Variants in SGCZ observed in about 807,000 individuals in gnomAD.
The protein encoded by SGCZ is sarcoglycan zeta.
SGCZ carries 40 observed loss-of-function variants against 41.3 expected under a neutral mutation model. The observed-to-expected ratio is 0.97, with a 90% CI of 0.75 to 1.26. SGCZ has a LOEUF of 1.26. SGCZ is among the 50% of genes most tolerant of loss of function. SGCZ has a pLI of 0.00. For synonymous variants in SGCZ, 206 were observed against 137.5 expected, an observed-to-expected ratio of 1.50 and a Z score of -3.49; for missense variants, 552 against 369.8, an observed-to-expected ratio of 1.49 and a Z score of -4.04.
chr8:15,086,758 A>C (rs1443642931), intron 1 of SGCZ, among the ~76,000 whole-genome samples: 3 of 152,188 alleles, frequency 2.0e-5, no homozygotes, highest in Non-Finnish European at 4.4e-5. Context: ...TTTCAAATAT[A>C]AGGATTCTTT....
chr8:14,635,237 A>C (rs1806790306), intron 1 of SGCZ, among the ~76,000 whole-genome samples: 1 of 151,896 alleles, frequency 6.6e-6, no homozygotes. Flanking sequence ...GAAAATAAAA[A>C]ATGTATCTCC....
chr8:14,086,678 G>A lies in SGCZ; in HGVS notation c.*3765C>T, dbSNP rs1448788301. On this transcript the variant is annotated 3_prime_UTR_variant, in exon 8 of 8. Transcript: ENST00000382080. ...AACGTCAACCATATTACTGAATCCT[G>A]TTAACCAGGCATGATTTTTCCAAAG... is the stretch of plus-strand genomic sequence containing the variant. 1.3e-5 allele frequency among the ~76,000 whole-genome samples: 2 copies of A among 151,618 alleles called. No individual in the cohort carries two copies. Among genetic ancestry groups the A allele is most frequent in the Non-Finnish European group, 3.0e-5 (2 of 67,720 alleles).
chr8:14,712,615 A>C (rs938011797), intron 1 of SGCZ, among the ~76,000 whole-genome samples: 3 of 152,148 alleles, frequency 2.0e-5, no homozygotes, highest in African/African-American at 7.2e-5. Flanking sequence ...TGACTTGACA[A>C]GGGAAGCACC....
chr8:14,572,058 T>C (rs1226408081), intron 1 of SGCZ, among the ~76,000 whole-genome samples: 1 of 152,188 alleles, frequency 6.6e-6, no homozygotes, highest in Middle Eastern at 3.2e-3. Context: ...AAACATTACA[T>C]GAATTTAAGG....
intron 5 of SGCZ, among the ~76,000 whole-genome samples, chr8:14,119,737 T>C (rs1044352703): frequency 8.5e-5 from 13 of 152,344 alleles, no homozygotes; most frequent in South Asian, 2.1e-4. Flanking sequence ...ATACATTCCA[T>C]CAATATCTAG....
At chr8:14,831,006 T>A (rs1372415682) in intron 1 of SGCZ, among the ~76,000 whole-genome samples, 1 of 152,160 alleles carries the variant, frequency 6.6e-6, no homozygotes, top group Non-Finnish European at 1.5e-5. Context: ...TATGTAAAAA[T>A]CTTATTTGAC....
chr8:14,800,988 A>C (rs1801303628), intron 1 of SGCZ, among the ~76,000 whole-genome samples: 1 of 152,214 alleles, frequency 6.6e-6, no homozygotes, highest in Non-Finnish European at 1.5e-5. Context: ...AGAACAAAGG[A>C]AACTAGCTCC....
At chr8:15,157,676 T>C (rs922180848) in intron 1 of SGCZ, among the ~76,000 whole-genome samples, 1 of 152,018 alleles carries the variant, frequency 6.6e-6, no homozygotes, top group African/African-American at 2.4e-5. Context: ...ACAACACACT[T>C]ACACTCATGG....
intron 1 of SGCZ, among the ~76,000 whole-genome samples, chr8:15,140,957 T>A (rs1211461845): frequency 2.6e-5 from 4 of 152,220 alleles, no homozygotes; most frequent in Non-Finnish European, 1.5e-5. Context: ...GGAACTATTA[T>A]ATGTCAAGGA....
intron 1 of SGCZ, among the ~76,000 whole-genome samples, chr8:14,646,529 A>T (rs1225272502): frequency 6.6e-6 from 1 of 151,894 alleles, no homozygotes; most frequent in East Asian, 1.9e-4. Flanking sequence ...ATACAAGAAC[A>T]TGTCTCCTTT....
In SGCZ at chr8:15,182,224, G is replaced by C. The variant is rs75750539; in HGVS notation, c.39+55361C>G. The stretch of plus-strand genomic sequence containing the variant: ...AATATCCTTAATTCTTAGGTTAACT[G>C]ACCAAAAAATACAACAAACCTAGAT... On this transcript the variant is annotated intron_variant, in intron 1 of 7. Transcript: ENST00000382080. 4.0e-3 allele frequency among the ~76,000 whole-genome samples: 614 copies of C among 152,014 alleles called. 24 individuals carry two copies. In the East Asian group the frequency reaches 0.083, roughly 21 times the overall value.
chr8:14,101,958 A>G (rs1258244196), intron 7 of SGCZ, among the ~76,000 whole-genome samples: 1 of 151,676 alleles, frequency 6.6e-6, no homozygotes, highest in Non-Finnish European at 1.5e-5. Flanking sequence ...CAGTGGTATG[A>G]AGCAAGCTCC....
chr8:14,165,893 T>A (rs1368005263), intron 4 of SGCZ, among the ~76,000 whole-genome samples: 1 of 152,096 alleles, frequency 6.6e-6, no homozygotes, highest in Non-Finnish European at 1.5e-5. Context: ...CTTTCATCCA[T>A]TCATTGGTCC....
intron 2 of SGCZ, among the ~76,000 whole-genome samples, chr8:14,376,841 GATTT>G (rs1804150542): frequency 6.6e-6 from 1 of 152,048 alleles, no homozygotes; most frequent in South Asian, 2.1e-4. Context: ...AAACAATTAG[GATTT>G]ATTTATGTAA....
chr8:14,872,319 T>G (rs942217195), intron 1 of SGCZ, among the ~76,000 whole-genome samples: 1 of 152,026 alleles, frequency 6.6e-6, no homozygotes, highest in Non-Finnish European at 1.5e-5. Flanking sequence ...AACTATAATT[T>G]TTTAAAAAAA....
rs142044712 is a variant in SGCZ at position 14,087,275 on chromosome 8, G to C, written c.*3168C>G. Among the ~76,000 whole-genome samples the C allele has an allele frequency of 3.2e-3, 467 of 148,182 alleles. 5 individuals carry two copies. The highest frequency in any genetic ancestry group is 2.5e-3 in the Non-Finnish European group (166 of 66,232). On this transcript the variant is annotated 3_prime_UTR_variant, in exon 8 of 8. Coordinates refer to ENST00000382080, the MANE Select transcript of SGCZ (RefSeq NM_139167.4). ...TTGGAAATGTTGAACAAGGGAAGTA[G>C]GAAATTTGGAAGTTTTTGTTGTTCT...
At chr8:14,545,513 C>CT (rs1803598879) in intron 2 of SGCZ, among the ~76,000 whole-genome samples, 1 of 151,528 alleles carries the variant, frequency 6.6e-6, no homozygotes, top group South Asian at 2.1e-4. Flanking sequence ...AAATGTCCTA[C>CT]TAAAAGCATC....
intron 1 of SGCZ, among the ~76,000 whole-genome samples, chr8:15,033,282 C>G (rs1365663202): frequency 1.3e-5 from 2 of 152,008 alleles, no homozygotes; most frequent in East Asian, 3.9e-4. Flanking sequence ...AGGTCAGCCC[C>G]AGAATAACCA....
chr8:14,475,340 T>A (rs1486678551), intron 2 of SGCZ, among the ~76,000 whole-genome samples: 3 of 152,170 alleles, frequency 2.0e-5, no homozygotes, highest in Admixed American at 1.3e-4. Context: ...GTAAAGCAAC[T>A]AATAAGTAAT....
Sources: allele counts gnomAD v4.1 joint callset (sites outside exome capture counted in the v4.1 genomes callset), GRCh38; gene constraint gnomAD v4.1.1; transcripts MANE v1.5; gene names NCBI Gene and HGNC (gene_info 2026-07-23, HGNC 2026-07-21).